The following SCAPER variants were observed in gnomAD, a reference collection of about 807,000 sequenced individuals.
SCAPER encodes the protein S-phase cyclin A associated protein in the ER, also known as S phase cyclin A-associated protein in the endoplasmic reticulum.
In SCAPER, 98 loss-of-function variants were observed where a neutral mutation model predicts 182.2. The ratio of observed to expected loss-of-function variants is 0.54; its 90% CI spans 0.46 to 0.64. The LOEUF is 0.64. SCAPER is among the 30% of genes least tolerant of loss of function. SCAPER has a pLI of 0.00. For synonymous variants in SCAPER, 605 were observed against 564.6 expected, an observed-to-expected ratio of 1.07 and a Z score of -1.01; for missense variants, 1,432 against 1,690.0, an observed-to-expected ratio of 0.85 and a Z score of 2.68.
At chr15:76,624,402 G>A (rs1336608432) in intron 21 of SCAPER, among the ~76,000 whole-genome samples, 1 of 152,158 alleles carries the variant, frequency 6.6e-6, no homozygotes, top group Non-Finnish European at 1.5e-5. Flanking sequence ...AATCATATAT[G>A]ATACAAATAA....
Position 76,439,507 on chromosome 15 carries a change from C to G in SCAPER, c.3079-5197G>C, listed in dbSNP as rs142397314. Among the ~76,000 whole-genome samples, 43 of 152,306 alleles carry G rather than the reference C, an allele frequency of 2.8e-4. No individual in the cohort carries two copies. In the East Asian group the frequency reaches 6.9e-3, roughly 25 times the overall value. ...GGTAAAATAGCTCACTTGTGAGCAG[C>G]CTGCTCTTTTGGGACACCTTTAATA... On this transcript the variant is annotated intron_variant, in intron 25 of 31. Coordinates refer to ENST00000563290, the MANE Select transcript of SCAPER (RefSeq NM_020843.4).
At chr15:76,431,705 T>G (rs915779016) in intron 26 of SCAPER, among the ~76,000 whole-genome samples, 4 of 50,554 alleles carry the variant, frequency 7.9e-5, no homozygotes, top group African/African-American at 2.0e-4. Context: ...AAAAAAAAAA[T>G]GCTTTGTTTG....
intron 5 of SCAPER, among the ~76,000 whole-genome samples, chr15:76,805,899 C>T (rs1042266702): frequency 6.6e-6 from 1 of 152,112 alleles, no homozygotes; most frequent in Non-Finnish European, 1.5e-5. Flanking sequence ...AATGTCTATT[C>T]AAATCCTTTG....
chr15:76,801,849 C>T (rs1370693450), intron 6 of SCAPER, among the ~76,000 whole-genome samples: 1 of 150,948 alleles, frequency 6.6e-6, no homozygotes, highest in Admixed American at 6.6e-5. Flanking sequence ...GTGGAGGTTG[C>T]AGCGAGCCAA....
At chr15:76,485,235 C>T (rs570631989) in intron 24 of SCAPER, among the ~76,000 whole-genome samples, 4 of 151,912 alleles carry the variant, frequency 2.6e-5, no homozygotes, top group South Asian at 2.1e-4. Flanking sequence ...TAAATATCAC[C>T]GACAACAGTC....
At chr15:76,419,711 ACT>A (rs963788513) in intron 26 of SCAPER, among the ~76,000 whole-genome samples, 7 of 152,198 alleles carry the variant, frequency 4.6e-5, no homozygotes, top group African/African-American at 1.2e-4. Context: ...CAAGAGCAAA[ACT>A]CTGTCTCAAA....
At chr15:76,733,165 C>A in intron 16 of SCAPER, 64 bp downstream of exon 16, 1 of 1,458,402 alleles carries the variant, frequency 6.9e-7, no homozygotes, top group East Asian at 2.5e-5. Context: ...ACCGACCCTG[C>A]GGGGCTGGAC....
intron 5 of SCAPER, among the ~76,000 whole-genome samples, chr15:76,828,716 T>C (rs1705015051): frequency 6.6e-6 from 1 of 152,214 alleles, no homozygotes; most frequent in Non-Finnish European, 1.5e-5. Flanking sequence ...GCTATTAATG[T>C]AAGACAATGG....
At chr15:76,414,556 G>A (rs150153841) in intron 26 of SCAPER, among the ~76,000 whole-genome samples, 65 of 151,980 alleles carry the variant, frequency 4.3e-4, no homozygotes, top group African/African-American at 1.6e-3. Context: ...ACCATGGAAT[G>A]ACATCTTTAA....
intron 25 of SCAPER, among the ~76,000 whole-genome samples, chr15:76,436,555 G>A (rs1252657314): frequency 6.6e-6 from 1 of 151,522 alleles, no homozygotes; most frequent in Non-Finnish European, 1.5e-5. Flanking sequence ...ATATGTTTTG[G>A]TAGTGTCTTG....
chr15:76,603,088 GGTTA>G (rs1367673673), intron 22 of SCAPER, among the ~76,000 whole-genome samples: 2 of 115,326 alleles, frequency 1.7e-5, no homozygotes, highest in African/African-American at 5.2e-5. Flanking sequence ...ACAACGTGCA[GGTTA>G]GTTACATATG....
chr15:76,756,085 A>T (rs1283281398), intron 14 of SCAPER, among the ~76,000 whole-genome samples: 2 of 152,128 alleles, frequency 1.3e-5, no homozygotes, highest in South Asian at 2.1e-4. Flanking sequence ...TCTACCAAAA[A>T]TATAAAAAAT....
At chr15:76,848,017 C>A (rs1326515391) in intron 4 of SCAPER, among the ~76,000 whole-genome samples, 1 of 151,838 alleles carries the variant, frequency 6.6e-6, no homozygotes, top group Non-Finnish European at 1.5e-5. Context: ...AGACTTTTTT[C>A]TTTTTTTTGA....
intron 15 of SCAPER, among the ~76,000 whole-genome samples, chr15:76,738,984 A>C (rs986913958): frequency 5.3e-5 from 8 of 152,228 alleles, no homozygotes; most frequent in Non-Finnish European, 1.0e-4. Context: ...GTGAAGCAGA[A>C]TAAAACAATG....
chr15:76,888,980 T>C (rs1250223889), intron 1 of SCAPER, among the ~76,000 whole-genome samples: 5 of 152,154 alleles, frequency 3.3e-5, no homozygotes, highest in Admixed American at 2.6e-4. Flanking sequence ...GCAGATCTCC[T>C]AGCAGTAACC....
chr15:76,433,575 C>T (rs1451863334), intron 26 of SCAPER, among the ~76,000 whole-genome samples: 1 of 152,136 alleles, frequency 6.6e-6, no homozygotes, highest in African/African-American at 2.4e-5. Flanking sequence ...TTAATATTTA[C>T]CCTTTTGTCC....
In SCAPER at chr15:76,747,909, C is replaced by A. The variant is rs1052028804; in HGVS notation, c.1866+5899G>T. On this transcript the variant is annotated intron_variant, in intron 15 of 31. Coordinates refer to ENST00000563290, the MANE Select transcript of SCAPER (RefSeq NM_020843.4). Reference sequence around the variant, plus strand: ...AGCCTCAAGTATTCCTTTATAGCAACACAAATGGGCTGAAACAGACCAATG... The same window carrying A: ...AGCCTCAAGTATTCCTTTATAGCAAAACAAATGGGCTGAAACAGACCAATG... 3.9e-5 allele frequency among the ~76,000 whole-genome samples: 6 copies of A among 152,028 alleles called. No individual in the cohort carries two copies. In the East Asian group the frequency reaches 1.2e-3, roughly 29 times the overall value.
At chr15:76,380,688 C>G (rs560408771) in intron 28 of SCAPER, 8 of 152,030 alleles carry the variant, frequency 5.3e-5, no homozygotes, top group Non-Finnish European at 1.2e-4. Flanking sequence ...GGGGCTTGCT[C>G]TGTTCCAAAG....
intron 21 of SCAPER, among the ~76,000 whole-genome samples, chr15:76,622,435 C>T (rs535895947): frequency 5.3e-5 from 8 of 151,420 alleles, no homozygotes; most frequent in Non-Finnish European, 1.5e-5. Context: ...AATACTCCTA[C>T]CTAAAAAAGT....
Sources: allele counts gnomAD v4.1 joint callset (sites outside exome capture counted in the v4.1 genomes callset), GRCh38; gene constraint gnomAD v4.1.1; transcripts MANE v1.5; gene names NCBI Gene and HGNC (gene_info 2026-07-23, HGNC 2026-07-21).